The following HSPG2 variants were observed in gnomAD, a reference collection of about 807,000 sequenced individuals.
HSPG2 encodes the protein heparan sulfate proteoglycan 2.
A neutral mutation model predicts 526.6 loss-of-function variants in HSPG2; 278 were observed. The observed-to-expected ratio is 0.53, with a 90% CI of 0.48 to 0.58. HSPG2 has a LOEUF of 0.58. Among genes scored for constraint, HSPG2 ranks in the 20% least tolerant of loss-of-function variants. The pLI, the probability that HSPG2 is intolerant of heterozygous loss-of-function variation, is 0.00. For missense variants in HSPG2, 5,354 were observed against 6,099.5 expected, an observed-to-expected ratio of 0.88 and a Z score of 4.07; for synonymous variants, 2,465 against 2,555.4, an observed-to-expected ratio of 0.96 and a Z score of 1.07.
Position 21,875,708 on chromosome 1 carries a change from C to T in HSPG2, c.3223G>A (p.Glu1075Lys), listed in dbSNP as rs1173310867. The T allele has an allele frequency of 6.2e-7, 1 of 1,604,892 alleles. No individual in the cohort carries two copies. Among genetic ancestry groups the T allele is most frequent in the Non-Finnish European group, 8.5e-7 (1 of 1,179,974 alleles). The change falls in exon 25 of 97, where the codon GAG (glutamate) becomes AAG (lysine). Residue 1075 changes from glutamate to lysine, a missense_variant. By Grantham distance (56) the Glu-to-Lys change is moderately conservative. Coordinates refer to ENST00000374695, the MANE Select transcript of HSPG2 (RefSeq NM_005529.7). ...QRPDGQPATR[E>K]HLLMALAGID... ...CCTGCCAGTGCCATCAGCAGGTGCT[C>T]CCGTGTGGCTGGCTGCCCATCGGGC...
chr1:21,852,628 G>A (rs765186470), intron 52 of HSPG2, 72 bp downstream of exon 52: 26 of 1,599,448 alleles, frequency 1.6e-5, no homozygotes, highest in Non-Finnish European at 2.1e-5. Flanking sequence ...AGCAAGAGGG[G>A]TCCCTTGGAT....
At chr1:21,879,560 A>G (rs1641342273) in intron 17 of HSPG2, among the ~76,000 whole-genome samples, 1 of 152,158 alleles carries the variant, frequency 6.6e-6, no homozygotes, top group Non-Finnish European at 1.5e-5. Flanking sequence ...TGCCCTCTGC[A>G]GGCCATGCTT....
rs1259783427 is a variant in HSPG2 at position 21,895,627 on chromosome 1, T to C, written c.244+295A>G. 1.3e-5 allele frequency among the ~76,000 whole-genome samples: 2 copies of C among 152,128 alleles called. No homozygotes were observed. The highest frequency in any genetic ancestry group is 2.9e-5 in the Non-Finnish European group (2 of 68,002). ...TGCCCTGGGAGGTGAGAACTTTGCT[T>C]TGAATGTGAAACAGCTGACTGGCTG... On this transcript the variant is annotated intron_variant, in intron 3 of 96. Coordinates refer to ENST00000374695, the MANE Select transcript of HSPG2 (RefSeq NM_005529.7). This position sits in a 1 kb window ranked among gnomAD's most constrained non-coding sequence, Gnocchi z 4.1.
intron 62 of HSPG2, 54 bp from the exon 63 acceptor site, chr1:21,846,653 G>A: frequency 1.3e-6 from 2 of 1,599,328 alleles, no homozygotes; most frequent in Non-Finnish European, 8.6e-7. Flanking sequence ...TTTGGGAACA[G>A]GGTTGGTGGG....
chr1:21,860,762 G>C (rs760347710), intron 39 of HSPG2, among the ~76,000 whole-genome samples: 1 of 152,190 alleles, frequency 6.6e-6, no homozygotes. Context: ...TGGGATTATA[G>C]GCATGAGCCA....
intron 1 of HSPG2, among the ~76,000 whole-genome samples, chr1:21,918,516 G>A (rs551416133): frequency 6.6e-6 from 1 of 151,120 alleles, no homozygotes; most frequent in African/African-American, 2.4e-5. Flanking sequence ...CTGCCTTATT[G>A]GGAGATTATT....
rs758631172 is a variant in HSPG2 at position 21,879,105 on chromosome 1, G to A, written c.2360C>T (p.Thr787Met). The A allele has an allele frequency of 3.4e-5, 55 of 1,614,102 alleles. No homozygotes were observed. The highest frequency in any genetic ancestry group is 4.4e-5 in the South Asian group (4 of 91,096). ...GCACTTGTTGCACTGTGGCCCCTCC[G>A]TGTTGTGCTGGCAATTCTAGAAGAA... is the stretch of plus-strand genomic sequence containing the variant. ...YGHCLNCQHN[T>M]EGPQCNKCKA... The change falls in exon 18 of 97, where the codon ACG (threonine) becomes ATG (methionine). Residue 787 changes from threonine (T) to methionine (M), a missense_variant. Physicochemically the swap from Thr to Met is moderately conservative, Grantham distance 81. Transcript: ENST00000374695.
chr1:21,913,399 C>T lies in HSPG2; in HGVS notation c.64-17089G>A, dbSNP rs116061704. Among the ~76,000 whole-genome samples the T allele has an allele frequency of 6.9e-3, 1,054 of 152,244 alleles. 14 individuals carry two copies. Among genetic ancestry groups the T allele is most frequent in the African/African-American group, 0.023 (961 of 41,534 alleles). ...TGCCGTGTCCTTGGCAAAGAGAATG[C>T]GACATCCCAGGGACTCGGGTTACCG... On this transcript the variant is annotated intron_variant, in intron 1 of 96. Coordinates refer to ENST00000374695, the MANE Select transcript of HSPG2 (RefSeq NM_005529.7).
chr1:21,885,197 G>A (rs758122177), intron 10 of HSPG2, 40 bp from the exon 11 acceptor site: 7 of 1,600,696 alleles, frequency 4.4e-6, no homozygotes, highest in Non-Finnish European at 6.0e-6. Flanking sequence ...CGGGGGCAAA[G>A]GAAGGAGGAG....
At chr1:21,874,091 A>G in intron 28 of HSPG2, 80 bp from the exon 29 acceptor site, 3 of 1,271,326 alleles carry the variant, frequency 2.4e-6, no homozygotes, top group Non-Finnish European at 3.3e-6. Context: ...ACCAGGGGAG[A>G]GGGGAGGGGA....
chr1:21,830,966 C>A lies in HSPG2; in HGVS notation c.11671+16G>T. 7 of 1,542,098 alleles carry A rather than the reference C, an allele frequency of 4.5e-6. No homozygotes were observed. Among genetic ancestry groups the A allele is most frequent in the South Asian group, 1.2e-5 (1 of 85,202 alleles). ...CAGGCCCTGGGGCGACAGCGACTGG[C>A]GGTCGGGGTGCGTACCTGGATGGCA... On this transcript the variant is annotated intron_variant, in intron 85 of 96. Coordinates refer to ENST00000374695, the MANE Select transcript of HSPG2 (RefSeq NM_005529.7).
rs1403782972 is a variant in HSPG2 at position 21,830,009 on chromosome 1, C to T, written c.11754G>A (p.Gly3918=). 2 of 1,609,708 alleles carry T rather than the reference C, an allele frequency of 1.2e-6. No homozygotes were observed. Among genetic ancestry groups the T allele is most frequent in the South Asian group, 2.2e-5 (2 of 89,990 alleles). ...TCCCCTCACCTTCCTCACACCGCAA[C>T]CCCGAGCGGCCCAGGTGGCAGCGGC... The part of the protein sequence containing the change: ...YTCRCHLGRS[G]LRCEEGVTVT... Residue 3918 remains glycine, a synonymous_variant, in exon 86 of 97, where the codon GGG becomes GGA. Transcript: ENST00000374695.
intron 91 of HSPG2, among the ~76,000 whole-genome samples, chr1:21,826,185 G>A (rs1557667310): frequency 6.6e-6 from 1 of 151,926 alleles, no homozygotes; most frequent in East Asian, 1.9e-4. Flanking sequence ...GGGCTCAAGT[G>A]ATCCTTCTGC....
intron 1 of HSPG2, among the ~76,000 whole-genome samples, chr1:21,912,834 G>A (rs1280301601): frequency 6.6e-6 from 1 of 152,108 alleles, no homozygotes; most frequent in Non-Finnish European, 1.5e-5. Context: ...ATAAAAATTA[G>A]CACAGCATGG....
intron 1 of HSPG2, among the ~76,000 whole-genome samples, chr1:21,923,435 C>T (rs1644100497): frequency 6.6e-6 from 1 of 152,090 alleles, no homozygotes; most frequent in African/African-American, 2.4e-5. Flanking sequence ...AATAACCAGA[C>T]TCAACATAAA....
chr1:21,862,061 A>G lies in HSPG2; in HGVS notation c.4795T>C (p.Tyr1599His), dbSNP rs753219871. 6.2e-7 allele frequency: 1 copy of G among 1,614,142 alleles called. No homozygotes were observed. Among genetic ancestry groups the G allele is most frequent in the Admixed American group, 1.7e-5 (1 of 60,028 alleles). The part of the protein sequence containing the change: ...EFCELCAPGY[Y>H]GDATAGTPED... Reference sequence around the variant, plus strand: ...GGCGTCCCGGCTGTGGCATCTCCGTAGTAGCCAGGGGCACAAAGCTCGCAG... The same window carrying G: ...GGCGTCCCGGCTGTGGCATCTCCGTGGTAGCCAGGGGCACAAAGCTCGCAG... The change falls in exon 38 of 97, where the codon TAC (tyrosine) becomes CAC (histidine). Residue 1599 changes from tyrosine to histidine, a missense_variant. By Grantham distance (83) the Tyr-to-His change is moderately conservative. Coordinates refer to ENST00000374695, the MANE Select transcript of HSPG2 (RefSeq NM_005529.7).
chr1:21,855,904 T>C lies in HSPG2; in HGVS notation c.5584A>G (p.Thr1862Ala). 1 of 1,609,520 alleles carries C rather than the reference T, an allele frequency of 6.2e-7. No homozygotes were observed. The highest frequency in any genetic ancestry group is 1.3e-5 in the African/African-American group (1 of 75,020). The change falls in exon 45 of 97, where the codon ACC becomes GCC. Residue 1862 changes from threonine to alanine, a missense_variant. Coordinates refer to ENST00000374695, the MANE Select transcript of HSPG2 (RefSeq NM_005529.7). ...ATGGAGACCACGGGGGCGGACAAGGTGCCCGAGGCTGACAAGGGAGGAAAA... is the reference window on the plus strand; with the variant it reads ...ATGGAGACCACGGGGGCGGACAAGGCGCCCGAGGCTGACAAGGGAGGAAAA... ...TATLHVQASG[T>A]LSAPVVSIHP... is the part of the protein sequence containing the mutation.
At chr1:21,888,205 G>A in intron 6 of HSPG2, 139 bp from the exon 7 acceptor site, 1 of 1,103,750 alleles carries the variant, frequency 9.1e-7, no homozygotes, top group Non-Finnish European at 1.3e-6. Flanking sequence ...ACGAGGGCAA[G>A]CAGCACACAC....
At chr1:21,875,512 A>C in intron 25 of HSPG2, 117 bp downstream of exon 25, 1 of 803,588 alleles carries the variant, frequency 1.2e-6, no homozygotes, top group East Asian at 2.6e-5. Flanking sequence ...TTTTACAGAC[A>C]GGGAAAGTGA....
Sources: allele counts gnomAD v4.1 joint callset (sites outside exome capture counted in the v4.1 genomes callset), GRCh38; gene constraint gnomAD v4.1.1; non-coding constraint Gnocchi (gnomAD v3.1); transcripts MANE v1.5; gene names NCBI Gene and HGNC (gene_info 2026-07-23, HGNC 2026-07-21).